Variants in CPA6 observed in about 807,000 individuals in gnomAD.
CPA6 encodes the protein carboxypeptidase A6, also known as carboxypeptidase B.
In CPA6, 58 loss-of-function variants were observed where a neutral mutation model predicts 63.3. That is an observed-to-expected ratio of 0.92 (90% CI 0.74 to 1.14). The LOEUF is 1.14. Ranked by LOEUF, CPA6 falls within the 50% of genes most tolerant of loss-of-function variation. CPA6 has a pLI of 0.00. For synonymous variants in CPA6, 185 were observed against 179.0 expected (o/e 1.03, Z -0.27); for missense variants, 565 against 526.6 (o/e 1.07, Z -0.71).
At chr8:67,720,818 A>AC (rs1817482592) in intron 1 of CPA6, among the ~76,000 whole-genome samples, 1 of 152,134 alleles carries the variant, frequency 6.6e-6, no homozygotes, top group Non-Finnish European at 1.5e-5. Flanking sequence ...GAGCCTCTTC[A>AC]CCTTGTTGAT....
At chr8:67,609,569 T>C (rs532531702) in intron 2 of CPA6, among the ~76,000 whole-genome samples, 70 of 152,380 alleles carry the variant, frequency 4.6e-4, no homozygotes, top group African/African-American at 1.5e-3. Flanking sequence ...AGGGCTCTTA[T>C]GTTCCTGAAA....
At chr8:67,532,367 C>T (rs1812494860) in intron 2 of CPA6, among the ~76,000 whole-genome samples, 1 of 145,164 alleles carries the variant, frequency 6.9e-6, no homozygotes, top group Non-Finnish European at 1.5e-5. Flanking sequence ...CATAAATGAC[C>T]TTAAGCCGGT....
chr8:67,566,761 A>T (rs146370072), intron 2 of CPA6, among the ~76,000 whole-genome samples: 36 of 152,362 alleles, frequency 2.4e-4, no homozygotes, highest in African/African-American at 8.2e-4. Context: ...CCCAGAGAGC[A>T]GGAGCTGCTG....
intron 8 of CPA6, among the ~76,000 whole-genome samples, chr8:67,459,668 G>T (rs1164637569): frequency 6.6e-6 from 1 of 152,156 alleles, no homozygotes; most frequent in Non-Finnish European, 1.5e-5. Context: ...AAGATACTCT[G>T]TAAGATACTA....
At chr8:67,642,642 A>G (rs1815619009) in intron 1 of CPA6, among the ~76,000 whole-genome samples, 1 of 152,214 alleles carries the variant, frequency 6.6e-6, no homozygotes, top group African/African-American at 2.4e-5. Flanking sequence ...GGGTAGTCCA[A>G]TATATCAGAA....
intron 2 of CPA6, among the ~76,000 whole-genome samples, chr8:67,527,090 G>C (rs1475046478): frequency 6.6e-6 from 1 of 152,186 alleles, no homozygotes; most frequent in Non-Finnish European, 1.5e-5. Context: ...TACATTGGAA[G>C]ACAAGAGCCC....
chr8:67,591,515 C>T (rs1334127947), intron 2 of CPA6, among the ~76,000 whole-genome samples: 7 of 152,102 alleles, frequency 4.6e-5, no homozygotes, highest in East Asian at 3.8e-4. Flanking sequence ...TTCCTACCCA[C>T]GAGCATGGAA....
chr8:67,538,059 A>T (rs1472855620), intron 2 of CPA6, among the ~76,000 whole-genome samples: 1 of 152,126 alleles, frequency 6.6e-6, no homozygotes, highest in Non-Finnish European at 1.5e-5. Flanking sequence ...ACTGTTTGTT[A>T]TGATTTCTGT....
At position 67,679,356 on chromosome 8, in the gene CPA6, T is replaced by C. The variant is rs530508457; in HGVS notation, c.117-55105A>G. 7.2e-5 allele frequency among the ~76,000 whole-genome samples: 11 copies of C among 152,356 alleles called. No homozygotes were observed. The Middle Eastern group carries it at 0.01, about 141-fold the overall frequency. ...GATATTTTTGCTCAGATAAAACATA[T>C]GCTTTTGTGTTAAAAAACCTTACTT... On this transcript the variant is annotated intron_variant, in intron 1 of 10. Coordinates refer to ENST00000297770, the MANE Select transcript of CPA6 (RefSeq NM_020361.5).
At chr8:67,688,998 T>G (rs7834510) in intron 1 of CPA6, among the ~76,000 whole-genome samples, 61,839 of 151,106 alleles carry the variant, frequency 0.41, 14,999 homozygotes, top group African/African-American at 0.68. Flanking sequence ...TATTATTTTT[T>G]AGATGGAGTC....
intron 2 of CPA6, among the ~76,000 whole-genome samples, chr8:67,547,673 T>C (rs1283569876): frequency 6.6e-6 from 1 of 152,014 alleles, no homozygotes; most frequent in African/African-American, 2.4e-5. Context: ...TTTGTAATTT[T>C]TTGTGGAGAT....
intron 8 of CPA6, among the ~76,000 whole-genome samples, chr8:67,472,562 A>T (rs1811088244): frequency 6.6e-6 from 1 of 151,906 alleles, no homozygotes; most frequent in Admixed American, 6.6e-5. Flanking sequence ...AGTAGCTGGG[A>T]CTACAGGCAT....
intron 8 of CPA6, among the ~76,000 whole-genome samples, chr8:67,477,154 G>A (rs1281454622): frequency 6.6e-6 from 1 of 151,902 alleles, no homozygotes; most frequent in African/African-American, 2.4e-5. Context: ...AGTTGGGAGT[G>A]GTGGCGGGCA....
chr8:67,546,946 T>C (rs1812829743), intron 2 of CPA6, among the ~76,000 whole-genome samples: 1 of 152,230 alleles, frequency 6.6e-6, no homozygotes, highest in Non-Finnish European at 1.5e-5. Flanking sequence ...TGCCTCAGCC[T>C]TCCAAGTCAC....
At chr8:67,573,996 C>A (rs956769368) in intron 2 of CPA6, among the ~76,000 whole-genome samples, 1 of 148,902 alleles carries the variant, frequency 6.7e-6, no homozygotes, top group Non-Finnish European at 1.5e-5. Context: ...AGAATTAATA[C>A]TGTTAAAAGA....
chr8:67,427,765 A>G (rs1258699277), intron 10 of CPA6, among the ~76,000 whole-genome samples: 1 of 152,126 alleles, frequency 6.6e-6, no homozygotes, highest in Non-Finnish European at 1.5e-5. Context: ...TAAGGAGCCC[A>G]TTTTGGTATG....
chr8:67,441,932 A>AT (rs1239441784), intron 8 of CPA6, among the ~76,000 whole-genome samples: 1 of 152,118 alleles, frequency 6.6e-6, no homozygotes, highest in Non-Finnish European at 1.5e-5. Flanking sequence ...TAATAACTAA[A>AT]TTTTTTCACA....
intron 2 of CPA6, among the ~76,000 whole-genome samples, chr8:67,601,974 A>G (rs1474037160): frequency 6.6e-6 from 1 of 152,188 alleles, no homozygotes; most frequent in Non-Finnish European, 1.5e-5. Context: ...ATATCAGTAG[A>G]AGACTGGTTA....
chr8:67,703,976 C>T lies in CPA6; in HGVS notation c.116+42038G>A, dbSNP rs765165579. Among the ~76,000 whole-genome samples the T allele has an allele frequency of 5.3e-5, 8 of 152,188 alleles. No individual in the cohort carries two copies. In the East Asian group the frequency reaches 7.7e-4, roughly 15 times the overall value. On this transcript the variant is annotated intron_variant, in intron 1 of 10. Transcript: ENST00000297770. ...TTGTTTTGTTTTGAGTTAGCACCCACTTTGGGAGGAAGGGAAATTCTTTCC... is the reference window on the plus strand; with the variant it reads ...TTGTTTTGTTTTGAGTTAGCACCCATTTTGGGAGGAAGGGAAATTCTTTCC...
Sources: gnomAD v4.1 joint callset for allele counts (sites outside exome capture counted in the v4.1 genomes callset) on GRCh38, gnomAD v4.1.1 for gene constraint, MANE v1.5 for transcripts, NCBI Gene and HGNC (gene_info 2026-07-23, HGNC 2026-07-21) for gene names.